The following DCC variants were observed in gnomAD, a reference collection of about 807,000 sequenced individuals.
DCC encodes DCC netrin 1 receptor, also known as netrin receptor DCC.
A neutral mutation model predicts 172.5 loss-of-function variants in DCC; 58 were observed. The ratio of observed to expected loss-of-function variants is 0.34; its 90% CI spans 0.27 to 0.42. The LOEUF (loss-of-function observed/expected upper bound fraction) is 0.42. DCC is among the 10% of genes least tolerant of loss of function. The pLI is 1.00. For synonymous variants in DCC, 709 were observed against 644.5 expected (o/e 1.10, Z -1.52); for missense variants, 1,740 against 1,791.0 (o/e 0.97, Z 0.51).
At chr18:52,571,873 G>C (rs377317473) in intron 1 of DCC, among the ~76,000 whole-genome samples, 19 of 152,296 alleles carry the variant, frequency 1.2e-4, no homozygotes, top group African/African-American at 3.8e-4. Context: ...AACATGTATG[G>C]AAACATACAA....
At chr18:53,125,880 A>G (rs981459329) in intron 7 of DCC, among the ~76,000 whole-genome samples, 1 of 152,138 alleles carries the variant, frequency 6.6e-6, no homozygotes, top group Non-Finnish European at 1.5e-5. Flanking sequence ...TTAGTTCACC[A>G]CAGTGTATGA....
At chr18:52,360,492 C>T (rs571284508) in intron 1 of DCC, among the ~76,000 whole-genome samples, 1 of 152,298 alleles carries the variant, frequency 6.6e-6, no homozygotes, top group Admixed American at 6.5e-5. Flanking sequence ...CAACAAAGTG[C>T]TGTGCTATGT....
chr18:53,316,387 G>T (rs997582584), intron 13 of DCC, among the ~76,000 whole-genome samples: 2 of 152,210 alleles, frequency 1.3e-5, no homozygotes, highest in African/African-American at 4.8e-5. Flanking sequence ...CAGGTAGGCT[G>T]ATGCCTCCAG....
intron 21 of DCC, among the ~76,000 whole-genome samples, chr18:53,428,224 ATAATTATATATATAAT>A (rs1297709005): frequency 2.1e-5 from 1 of 48,344 alleles, no homozygotes; most frequent in African/African-American, 5.9e-5. Flanking sequence ...ATATATAATT[ATAATTATATATATAAT>A]TAATTATATA....
chr18:52,529,555 G>C (rs1268966436), intron 1 of DCC, among the ~76,000 whole-genome samples: 1 of 152,206 alleles, frequency 6.6e-6, no homozygotes, highest in East Asian at 1.9e-4. Context: ...CTCCCAAAGT[G>C]CTGGGATTAC....
At chr18:53,212,099 A>C (rs999067214) in intron 11 of DCC, among the ~76,000 whole-genome samples, 1 of 152,092 alleles carries the variant, frequency 6.6e-6, no homozygotes, top group Non-Finnish European at 1.5e-5. Flanking sequence ...ATGGCAGCAT[A>C]CATTTGCTGA....
chr18:53,117,700 C>G (rs1199606423), intron 7 of DCC, among the ~76,000 whole-genome samples: 1 of 151,264 alleles, frequency 6.6e-6, no homozygotes, highest in Non-Finnish European at 1.5e-5. Context: ...TTGTAAAGAC[C>G]AGGAAGTAAA....
At chr18:53,340,118 G>C (rs1325328558) in intron 15 of DCC, among the ~76,000 whole-genome samples, 1 of 151,654 alleles carries the variant, frequency 6.6e-6, no homozygotes. Context: ...CTTTGAATTT[G>C]GGATTTCAGG....
intron 7 of DCC, among the ~76,000 whole-genome samples, chr18:53,104,539 T>C (rs1434622499): frequency 2.6e-5 from 4 of 152,028 alleles, no homozygotes; most frequent in South Asian, 2.1e-4. Context: ...TTCTTCTTCT[T>C]CTCAGTCTCA....
At chr18:52,782,128 A>G (rs1018231171) in intron 2 of DCC, among the ~76,000 whole-genome samples, 1 of 152,196 alleles carries the variant, frequency 6.6e-6, no homozygotes, top group Non-Finnish European at 1.5e-5. Context: ...TTTCAGAGCT[A>G]AGCACAAAGG....
rs869070422 is a variant in DCC, at chr18:53,023,401, C to CAAA, written c.986-39878_986-39876dup. ...GGACAAACACATATATAACTCAGAC[C>CAAA]AAAAAAAAAAAAAAAAAAAAAAAAA... On this transcript the variant is annotated intron_variant, in intron 5 of 28. Transcript: ENST00000442544. Among the ~76,000 whole-genome samples the CAAA allele has an allele frequency of 2.7e-3, 65 of 24,404 alleles. 5 individuals are homozygous for CAAA. Among genetic ancestry groups the CAAA allele is most frequent in the African/African-American group, 5.0e-3 (26 of 5,188 alleles). 16.0% of individuals were successfully genotyped at this position (24,404 alleles called of 152,430 possible).
intron 5 of DCC, among the ~76,000 whole-genome samples, chr18:52,962,064 T>C (rs1208784890): frequency 6.6e-6 from 1 of 151,806 alleles, no homozygotes. Context: ...ACTTCATGTC[T>C]AAAACACCAA....
chr18:52,629,949 CAAAAA>C lies in DCC; in HGVS notation c.92-122082_92-122078del, dbSNP rs540334133. ...TGGGCGACAGAGCAAGACTCCGTCT[CAAAAA>C]AAAAAAAAAAAAAAAAAAAAAATTA... On this transcript the variant is annotated intron_variant, in intron 1 of 28. Transcript: ENST00000442544. 5.6e-3 allele frequency among the ~76,000 whole-genome samples: 228 copies of C among 40,892 alleles called. 2 individuals carry two copies. Among genetic ancestry groups the C allele is most frequent in the African/African-American group, 0.017 (173 of 10,298 alleles). The allele number at this position is 40,892 out of a possible 152,430, so 26.8% of individuals were successfully genotyped here.
chr18:53,119,162 T>G (rs565527349), intron 7 of DCC, among the ~76,000 whole-genome samples: 1 of 151,956 alleles, frequency 6.6e-6, no homozygotes, highest in South Asian at 2.1e-4. Context: ...CCAATGCATG[T>G]CCACCCAGTA....
chr18:52,852,718 G>A (rs1437835040), intron 2 of DCC, among the ~76,000 whole-genome samples: 2 of 151,746 alleles, frequency 1.3e-5, no homozygotes, highest in African/African-American at 4.9e-5. Flanking sequence ...GCTTAGATGG[G>A]CATTTGTTGA....
intron 2 of DCC, among the ~76,000 whole-genome samples, chr18:52,768,044 A>G (rs2037282099): frequency 6.6e-6 from 1 of 152,222 alleles, no homozygotes. Context: ...AATTTGGTGA[A>G]GTGAAAGATG....
intron 1 of DCC, among the ~76,000 whole-genome samples, chr18:52,629,874 C>T (rs930688341): frequency 4.3e-5 from 6 of 139,294 alleles, no homozygotes; most frequent in Admixed American, 8.3e-5. Context: ...GGCGTGAAAC[C>T]GGGAGGCGGA....
At chr18:52,526,789 C>T (rs556596715) in intron 1 of DCC, among the ~76,000 whole-genome samples, 2 of 152,128 alleles carry the variant, frequency 1.3e-5, no homozygotes, top group Non-Finnish European at 2.9e-5. Context: ...CCTGCACAGA[C>T]ACAGTTACAC....
chr18:52,759,451 C>G (rs2037125776), intron 2 of DCC, among the ~76,000 whole-genome samples: 1 of 152,094 alleles, frequency 6.6e-6, no homozygotes, highest in Non-Finnish European at 1.5e-5. Context: ...GTTATGAATT[C>G]TAATTCATGT....
Sources: allele counts gnomAD v4.1 joint callset (sites outside exome capture counted in the v4.1 genomes callset), GRCh38; gene constraint gnomAD v4.1.1; transcripts MANE v1.5; gene names NCBI Gene and HGNC (gene_info 2026-07-23, HGNC 2026-07-21).